The following CCAR1 variants were observed in gnomAD, a reference collection of about 807,000 sequenced individuals.
The protein encoded by CCAR1 is cell division cycle and apoptosis regulator 1.
CCAR1 carries 78 observed loss-of-function variants against 163.8 expected under a neutral mutation model. That is an observed-to-expected ratio of 0.48 (90% CI 0.40 to 0.57). CCAR1 has a LOEUF of 0.57. Among genes scored for constraint, CCAR1 ranks in the 20% least tolerant of loss-of-function variants. The pLI is 0.00. For missense variants in CCAR1, 1,019 were observed against 1,365.2 expected, an observed-to-expected ratio of 0.75 and a Z score of 4.00; for synonymous variants, 443 against 460.7, an observed-to-expected ratio of 0.96 and a Z score of 0.49.
chr10:68,754,180 G>T, intron 11 of CCAR1, 103 bp downstream of exon 11: 1 of 731,924 alleles, frequency 1.4e-6, no homozygotes, highest in African/African-American at 1.8e-5. Context: ...AGGTAGACCC[G>T]AATACCTGTT....
chr10:68,733,442 G>A (rs2056067632), intron 2 of CCAR1, among the ~76,000 whole-genome samples: 1 of 151,820 alleles, frequency 6.6e-6, no homozygotes, highest in African/African-American at 2.4e-5. Flanking sequence ...TGAAAAACTT[G>A]GTGTTGTAAT....
chr10:68,731,515 T>A (rs2056037540), intron 2 of CCAR1, among the ~76,000 whole-genome samples: 1 of 151,942 alleles, frequency 6.6e-6, no homozygotes, highest in Non-Finnish European at 1.5e-5. Context: ...ACTACTCTAC[T>A]GCAATGTAAA....
intron 2 of CCAR1, among the ~76,000 whole-genome samples, chr10:68,725,289 C>T (rs1351358494): frequency 6.6e-6 from 1 of 152,022 alleles, no homozygotes; most frequent in Non-Finnish European, 1.5e-5. Flanking sequence ...CACAGTGAAA[C>T]CTCCTCTCTA....
chr10:68,772,937 C>G lies in CCAR1; in HGVS notation c.2539-51C>G, dbSNP rs757449796. 6 of 1,004,892 alleles carry G rather than the reference C, an allele frequency of 6.0e-6. No individual in the cohort carries two copies. In the African/African-American group the frequency reaches 8.4e-5, roughly 14 times the overall value. 62.2% of individuals were successfully genotyped at this position (1,004,892 alleles called of 1,614,324 possible). A position where few individuals can be genotyped will look rare whatever the true frequency, so the allele number is the denominator to read the frequency against. On this transcript the variant is annotated intron_variant, in intron 18 of 24. Coordinates refer to ENST00000265872, the MANE Select transcript of CCAR1 (RefSeq NM_018237.4). ...ACCAGCGTGGGCAATATGGCAAAAC[C>G]CCGTCTTCTAAAAATAAGTAAATAA...
At chr10:68,780,580 G>A (rs2133421069) in intron 19 of CCAR1, among the ~76,000 whole-genome samples, 1 of 152,300 alleles carries the variant, frequency 6.6e-6, no homozygotes, top group Admixed American at 6.5e-5. Flanking sequence ...TTATAGGCAT[G>A]CTTTGTTTTT....
intron 18 of CCAR1, 48 bp from the exon 19 acceptor site, chr10:68,772,940 G>A (rs779124004): frequency 8.6e-5 from 89 of 1,032,876 alleles, no homozygotes; most frequent in South Asian, 4.7e-4. Context: ...GCAAAACCCC[G>A]TCTTCTAAAA....
chr10:68,739,712 A>G (rs926641792), intron 4 of CCAR1, among the ~76,000 whole-genome samples: 6 of 152,166 alleles, frequency 3.9e-5, no homozygotes, highest in African/African-American at 1.4e-4. Context: ...AAAGATGATA[A>G]TGGGTGAGGC....
At chr10:68,739,311 G>A (rs1037971970) in intron 4 of CCAR1, among the ~76,000 whole-genome samples, 19 of 152,158 alleles carry the variant, frequency 1.2e-4, no homozygotes, top group African/African-American at 3.1e-4. Flanking sequence ...CACTAGGCCC[G>A]CCTAATTTTT....
intron 19 of CCAR1, among the ~76,000 whole-genome samples, chr10:68,785,859 G>C (rs1281543108): frequency 6.6e-6 from 1 of 152,200 alleles, no homozygotes; most frequent in East Asian, 1.9e-4. Context: ...AACACGATAA[G>C]TGATTTTTTT....
intron 19 of CCAR1, among the ~76,000 whole-genome samples, chr10:68,781,819 C>T (rs977821975): frequency 6.8e-6 from 1 of 146,402 alleles, no homozygotes; most frequent in Non-Finnish European, 1.5e-5. Flanking sequence ...CCACTGTACT[C>T]CAGCCTGGGC....
chr10:68,755,624 A>G (rs2056389771), intron 13 of CCAR1, 88 bp downstream of exon 13: 1 of 1,156,406 alleles, frequency 8.6e-7, no homozygotes, highest in Non-Finnish European at 1.2e-6. Context: ...CCCCCGGCTT[A>G]TTTTAGCAAC....
chr10:68,726,834 A>G (rs192441165), intron 2 of CCAR1, among the ~76,000 whole-genome samples: 1 of 151,530 alleles, frequency 6.6e-6, no homozygotes, highest in African/African-American at 2.4e-5. Context: ...CGTCTCTACT[A>G]AAAATACAAA....
At chr10:68,757,046 T>C (rs1025836096) in intron 14 of CCAR1, among the ~76,000 whole-genome samples, 4 of 152,208 alleles carry the variant, frequency 2.6e-5, no homozygotes, top group Admixed American at 2.0e-4. Flanking sequence ...ATCCCTGATA[T>C]CCTTTGTGTT....
At chr10:68,738,021 A>G in intron 4 of CCAR1, 132 bp downstream of exon 4, 3 of 590,648 alleles carry the variant, frequency 5.1e-6, no homozygotes, top group Non-Finnish European at 8.8e-6. Flanking sequence ...GGGCTAGAGT[A>G]AATAGGTAGG....
intron 2 of CCAR1, among the ~76,000 whole-genome samples, chr10:68,723,525 G>A (rs1444309996): frequency 1.3e-5 from 2 of 151,982 alleles, no homozygotes; most frequent in Non-Finnish European, 2.9e-5. Flanking sequence ...TATTTGGCAT[G>A]TTAAGTTGTC....
At position 68,788,175 on chromosome 10, in the gene CCAR1, A is replaced by C; in HGVS notation, c.3034A>C (p.Lys1012Gln). The change falls in exon 23 of 25, where the codon AAG becomes CAG. Residue 1012 changes from lysine to glutamine, a missense_variant. Physicochemically the swap from Lys to Gln is moderately conservative, Grantham distance 53. Coordinates refer to ENST00000265872, the MANE Select transcript of CCAR1 (RefSeq NM_018237.4). ...NRLLLPTPTV[K>Q]QESKDVEENV... is the part of the protein sequence containing the mutation. ...ATTATTACTTCCAACACCAACAGTA[A>C]AGCAGGAATCAAAGGATGTGGAAGA... 2 of 1,587,962 alleles carry C rather than the reference A, an allele frequency of 1.3e-6. No homozygotes were observed. The highest frequency in any genetic ancestry group is 1.7e-6 in the Non-Finnish European group (2 of 1,171,220).
At chr10:68,765,288 C>T (rs1469778433) in intron 16 of CCAR1, among the ~76,000 whole-genome samples, 1 of 152,170 alleles carries the variant, frequency 6.6e-6, no homozygotes, top group African/African-American at 2.4e-5. Flanking sequence ...TCCACTCACT[C>T]TCTTGTAAGG....
At chr10:68,748,409 G>A (rs1409312846) in intron 8 of CCAR1, among the ~76,000 whole-genome samples, 1 of 149,234 alleles carries the variant, frequency 6.7e-6, no homozygotes, top group East Asian at 2.0e-4. Flanking sequence ...TCAAAAAAAA[G>A]AGAAAAAGAT....
chr10:68,737,777 C>A, intron 3 of CCAR1, 68 bp from the exon 4 acceptor site: 3 of 842,754 alleles, frequency 3.6e-6, no homozygotes, highest in Non-Finnish European at 5.7e-6. Flanking sequence ...CTATGTATAT[C>A]ACTTTTTGAG....
Sources: gnomAD v4.1 joint callset for allele counts (sites outside exome capture counted in the v4.1 genomes callset) on GRCh38, gnomAD v4.1.1 for gene constraint, MANE v1.5 for transcripts, NCBI Gene and HGNC (gene_info 2026-07-23, HGNC 2026-07-21) for gene names.